Variants in FAT1 observed in about 807,000 individuals in gnomAD.
The protein encoded by FAT1 is protocadherin Fat 1.
Under a neutral mutation model 329.8 loss-of-function variants are expected in FAT1, and 171 were observed. The ratio of observed to expected loss-of-function variants is 0.52; its 90% CI spans 0.46 to 0.59. The LOEUF (loss-of-function observed/expected upper bound fraction) is 0.59, where lower values mean the gene tolerates loss of function less well. FAT1 is among the 20% of genes least tolerant of loss of function. FAT1 has a pLI of 0.00. For missense variants in FAT1, 5,672 were observed against 5,774.4 expected (o/e 0.98, Z 0.57); for synonymous variants, 2,233 against 2,228.6 (o/e 1.00, Z -0.06).
chr4:186,683,136 T>C (rs1383606401), intron 2 of FAT1, among the ~76,000 whole-genome samples: 1 of 152,202 alleles, frequency 6.6e-6, no homozygotes, highest in African/African-American at 2.4e-5. Flanking sequence ...AAAAATTGTC[T>C]TCAAATAGTT....
intron 16 of FAT1, 81 bp from the exon 17 acceptor site, chr4:186,606,294 C>T: frequency 6.6e-7 from 1 of 1,517,652 alleles, no homozygotes; most frequent in Non-Finnish European, 9.0e-7. Context: ...CCTGAGAGTC[C>T]TGACGGGCAG....
At chr4:186,701,233 G>C (rs1052246177) in intron 2 of FAT1, among the ~76,000 whole-genome samples, 1 of 152,190 alleles carries the variant, frequency 6.6e-6, no homozygotes, top group African/African-American at 2.4e-5. Flanking sequence ...CTGCTTCAAA[G>C]AAGGACCCTT....
At chr4:186,677,672 T>G in intron 2 of FAT1, among the ~76,000 whole-genome samples, 1 of 152,194 alleles carries the variant, frequency 6.6e-6, no homozygotes, top group East Asian at 1.9e-4. Context: ...CTGAACAATC[T>G]TAACCAAGAT....
chr4:186,723,309 G>A (rs1745543415), intron 1 of FAT1, among the ~76,000 whole-genome samples: 1 of 152,226 alleles, frequency 6.6e-6, no homozygotes, highest in Non-Finnish European at 1.5e-5. Flanking sequence ...CGCTCAGCGA[G>A]CGGGTCTTTC....
At chr4:186,712,853 A>G (rs1366044670) in intron 1 of FAT1, among the ~76,000 whole-genome samples, 5 of 152,160 alleles carry the variant, frequency 3.3e-5, no homozygotes, top group Admixed American at 1.3e-4. Flanking sequence ...CCTCTAGGGC[A>G]GAAAGTCACA....
rs768136150 is a variant in FAT1, at chr4:186,598,041, T to A, written c.12188A>T (p.Tyr4063Phe). 6.2e-7 allele frequency: 1 copy of A among 1,613,896 alleles called. No individual in the cohort carries two copies. The highest frequency in any genetic ancestry group is 1.1e-5 in the South Asian group (1 of 91,074). Residue 4063 changes from tyrosine to phenylalanine, a missense_variant, in exon 23 of 27, where the codon TAT becomes TTT. Coordinates refer to ENST00000441802, the MANE Select transcript of FAT1 (RefSeq NM_005245.4). The part of the protein sequence containing the change: ...VNPCSSKPCL[Y>F]GGTCVVDNGG... ...GTTGTCGACAACACACGTGCCCCCA[T>A]AGAGGCATGGCTTGGAGGAACACGG... is the stretch of plus-strand genomic sequence containing the variant.
intron 4 of FAT1, among the ~76,000 whole-genome samples, chr4:186,637,446 A>C (rs1009146210): frequency 6.6e-6 from 1 of 152,216 alleles, no homozygotes; most frequent in African/African-American, 2.4e-5. Flanking sequence ...TAATACCAGT[A>C]ATCACCATTT....
At position 186,588,970 on chromosome 4, in the gene FAT1, G is replaced by A. The variant is rs991783558; in HGVS notation, c.13389C>T (p.His4463=). The A allele has an allele frequency of 2.5e-6, 4 of 1,613,878 alleles. No individual in the cohort carries two copies. The African/African-American group carries it at 5.3e-5, about 22-fold the overall frequency. The change falls in exon 27 of 27, where the codon CAC becomes CAT. Residue 4463 remains histidine (H), a synonymous_variant. Coordinates refer to ENST00000441802, the MANE Select transcript of FAT1 (RefSeq NM_005245.4). ...PEFSNQFESI[H]PPRDMPAAGS... is the part of the protein sequence containing the mutation. ...CCGCGGCAGGCATGTCTCTAGGAGG[G>A]TGGATGGATTCAAACTGATTGCTGA...
chr4:186,600,779 C>G (rs1197693082), intron 21 of FAT1, among the ~76,000 whole-genome samples: 3 of 152,204 alleles, frequency 2.0e-5, no homozygotes, highest in East Asian at 3.9e-4. Context: ...GGCGTGATCT[C>G]AACTCACTGC....
chr4:186,694,863 G>A (rs1743952119), intron 2 of FAT1, among the ~76,000 whole-genome samples: 1 of 152,242 alleles, frequency 6.6e-6, no homozygotes, highest in South Asian at 2.1e-4. Context: ...TTGGGAGGCT[G>A]AAGCAGAAGA....
At position 186,618,917 on chromosome 4, in the gene FAT1, CTCGATCAAGTTTT is replaced by C; in HGVS notation, c.7656_7668del (p.Leu2554ProfsTer6). On this transcript the variant is annotated frameshift_variant, in exon 10 of 27. Coordinates refer to ENST00000441802, the MANE Select transcript of FAT1 (RefSeq NM_005245.4). LOFTEE classifies it high-confidence loss of function. The stretch of plus-strand genomic sequence containing the variant: ...GAGATCACTTTCTCCGCCGGGGTTT[CTCGATCAAGTTTT>C]TCCAAAGTAAATATCTGTCCTCTCT... The C allele has an allele frequency of 6.2e-7, 1 of 1,613,942 alleles. No homozygotes were observed. The highest frequency in any genetic ancestry group is 8.5e-7 in the Non-Finnish European group (1 of 1,179,892).
rs370038733 is a variant in FAT1 at position 186,620,416 on chromosome 4, T to C, written c.6170A>G (p.His2057Arg). 1.2e-6 allele frequency: 2 copies of C among 1,613,936 alleles called. No homozygotes were observed. The highest frequency in any genetic ancestry group is 2.7e-5 in the African/African-American group (2 of 74,944). ...FDVVVEVTEE[H>R]KPSAVAHVVV... is the part of the protein sequence containing the mutation. Reference sequence around the variant, plus strand: ...AACGTGGGCCACTGCAGAAGGCTTATGTTCCTCTGTCACTTCTACAACCAC... The same window carrying C: ...AACGTGGGCCACTGCAGAAGGCTTACGTTCCTCTGTCACTTCTACAACCAC... Residue 2057 changes from histidine to arginine, a missense_variant, in exon 10 of 27, where the codon CAT (histidine) becomes CGT (arginine). His to Arg is a conservative substitution (Grantham distance 29). Transcript: ENST00000441802.
chr4:186,657,123 T>C (rs1365369501), intron 3 of FAT1, among the ~76,000 whole-genome samples: 2 of 152,172 alleles, frequency 1.3e-5, no homozygotes, highest in African/African-American at 2.4e-5. Flanking sequence ...CAGACAGCTA[T>C]GCACCCCTAT....
chr4:186,654,406 T>A (rs753890257), intron 3 of FAT1, among the ~76,000 whole-genome samples: 2 of 152,048 alleles, frequency 1.3e-5, no homozygotes, highest in Admixed American at 6.6e-5. Context: ...AAAAAAAGAC[T>A]TCAGAGAATG....
At chr4:186,589,244 T>C in intron 26 of FAT1, 24 bp from the exon 27 acceptor site, 1 of 1,575,772 alleles carries the variant, frequency 6.3e-7, no homozygotes, top group Non-Finnish European at 8.6e-7. Flanking sequence ...AAAACAGATG[T>C]CAGTGTGTTT....
At chr4:186,712,459 A>G (rs566312365) in intron 1 of FAT1, among the ~76,000 whole-genome samples, 1 of 152,276 alleles carries the variant, frequency 6.6e-6, no homozygotes, top group Non-Finnish European at 1.5e-5. Flanking sequence ...AGCATCTACT[A>G]TGTATCAGGT....
rs1283291620 is a variant in FAT1 at position 186,597,759 on chromosome 4, G to T, written c.12291C>A (p.Pro4097=). 3.7e-6 allele frequency: 6 copies of T among 1,613,878 alleles called. No homozygotes were observed. Among genetic ancestry groups the T allele is most frequent in the Non-Finnish European group, 5.1e-6 (6 of 1,179,868 alleles). ...CAAAGCATGTTCCGCCATTCTTACA[G>T]GGTTCATCTTTGCAGTATGGACTAA... ...CQLSPYCKDE[P]CKNGGTCFDS... The change falls in exon 24 of 27, where the codon CCC becomes CCA. Residue 4097 remains proline (P), a synonymous_variant. Transcript: ENST00000441802.
At position 186,621,793 on chromosome 4, in the gene FAT1, A is replaced by T. The variant is rs1315119612; in HGVS notation, c.4811-18T>A. On this transcript the variant is annotated intron_variant, in intron 9 of 26. Coordinates refer to ENST00000441802, the MANE Select transcript of FAT1 (RefSeq NM_005245.4). ...AATATTTCCTGGAAGGAGAGGAAAA[A>T]ATACATGTTACAGAAAAACACAAGG... 1.4e-5 allele frequency: 21 copies of T among 1,487,010 alleles called. No individual in the cohort carries two copies. The highest frequency in any genetic ancestry group is 2.4e-5 in the Admixed American group (1 of 41,954). 92.1% of individuals were successfully genotyped at this position (1,487,010 alleles called of 1,614,324 possible).
At chr4:186,696,472 T>C (rs1744045783) in intron 2 of FAT1, among the ~76,000 whole-genome samples, 1 of 152,114 alleles carries the variant, frequency 6.6e-6, no homozygotes, top group Non-Finnish European at 1.5e-5. Context: ...GCACAGGATC[T>C]ATGAAAAGAT....
Sources: gnomAD v4.1 joint callset for allele counts (sites outside exome capture counted in the v4.1 genomes callset) on GRCh38, gnomAD v4.1.1 for gene constraint, MANE v1.5 for transcripts, NCBI Gene and HGNC (gene_info 2026-07-23, HGNC 2026-07-21) for gene names.